The following LINGO1 variants were observed in gnomAD, a reference collection of about 807,000 sequenced individuals.
LINGO1 encodes the protein leucine rich repeat and Ig domain containing 1.
In LINGO1, 11 loss-of-function variants were observed where a neutral mutation model predicts 37.3. The ratio of observed to expected loss-of-function variants is 0.29; its 90% CI spans 0.19 to 0.49. The LOEUF is 0.49. Ranked by LOEUF, LINGO1 falls within the 20% of genes least tolerant of loss-of-function variation. The pLI is 0.99. For missense variants in LINGO1, 585 were observed against 878.2 expected (o/e 0.67, Z 4.22); for synonymous variants, 387 against 403.0 (o/e 0.96, Z 0.48).
At chr15:77,668,628 T>C (rs961121847) in intron 3 of LINGO1, among the ~76,000 whole-genome samples, 3 of 151,976 alleles carry the variant, frequency 2.0e-5, no homozygotes, top group Non-Finnish European at 2.9e-5. Context: ...CAGGAATACA[T>C]CCACATGGCA....
intron 1 of LINGO1, among the ~76,000 whole-genome samples, chr15:77,799,398 T>C (rs1200533415): frequency 1.3e-5 from 2 of 152,042 alleles, no homozygotes; most frequent in African/African-American, 4.8e-5. Context: ...TTCCCCAACT[T>C]TTCTCCCAGC....
intron 1 of LINGO1, among the ~76,000 whole-genome samples, chr15:77,767,922 C>CA (rs771913167): frequency 5.0e-4 from 76 of 152,238 alleles, no homozygotes; most frequent in Admixed American, 7.8e-4. Context: ...AAAGGAAAAC[C>CA]AAAAAGCAGC....
rs576456930 is a variant in LINGO1, at chr15:77,705,537, G to A, written c.-194-14636C>T. 3.3e-5 allele frequency among the ~76,000 whole-genome samples: 5 copies of A among 152,296 alleles called. No homozygotes were observed. In the South Asian group the frequency reaches 1.0e-3, roughly 32 times the overall value. On this transcript the variant is annotated intron_variant, in intron 2 of 3. Coordinates refer to the LINGO1 transcript ENST00000561686. ...CCCCCACCGCCCAGCTGGCAGAGGA[G>A]GGCCCCTGTGGTGGGGACAGGCAAG... is the stretch of plus-strand genomic sequence containing the variant.
rs78421896 is a variant in LINGO1, at chr15:77,747,709, G to A, written c.-256-12656C>T. Reference sequence around the variant, plus strand: ...AGGCTGCACCAATGCAGAGCCAGGCGGGCCCCCGCCTCCAGAATCTCCCCA... The same window carrying A: ...AGGCTGCACCAATGCAGAGCCAGGCAGGCCCCCGCCTCCAGAATCTCCCCA... On this transcript the variant is annotated intron_variant, in intron 1 of 3. Coordinates refer to the LINGO1 transcript ENST00000561686. 8.5e-3 allele frequency among the ~76,000 whole-genome samples: 1,294 copies of A among 152,342 alleles called. 24 individuals are homozygous for A. Among genetic ancestry groups the A allele is most frequent in the African/African-American group, 0.029 (1,217 of 41,570 alleles).
chr15:77,687,487 T>C (rs2141242779), intron 2 of LINGO1, among the ~76,000 whole-genome samples: 1 of 152,324 alleles, frequency 6.6e-6, no homozygotes, highest in Middle Eastern at 3.4e-3. Flanking sequence ...GCCTGCCTTC[T>C]ATCCTGGTTA....
chr15:77,756,261 A>C (rs905013491), intron 1 of LINGO1, among the ~76,000 whole-genome samples: 2 of 152,176 alleles, frequency 1.3e-5, no homozygotes, highest in Admixed American at 1.3e-4. Context: ...ACAATGCTTT[A>C]CAGTTATGGA....
At chr15:77,658,112 G>A (rs1272541661) in intron 3 of LINGO1, among the ~76,000 whole-genome samples, 1 of 152,182 alleles carries the variant, frequency 6.6e-6, no homozygotes, top group Non-Finnish European at 1.5e-5. Context: ...TCAGGTGACG[G>A]CGGGATGTCT....
At chr15:77,684,801 G>A (rs2075475359) in intron 2 of LINGO1, among the ~76,000 whole-genome samples, 1 of 152,150 alleles carries the variant, frequency 6.6e-6, no homozygotes, top group South Asian at 2.1e-4. Context: ...CTGTGTGCCA[G>A]GCCCAGGGGG....
At chr15:77,686,385 G>C (rs2075511541) in intron 2 of LINGO1, among the ~76,000 whole-genome samples, 2 of 152,216 alleles carry the variant, frequency 1.3e-5, no homozygotes. Context: ...GAAGCCCCCA[G>C]CTCCTACTGC....
intron 3 of LINGO1, among the ~76,000 whole-genome samples, chr15:77,664,170 T>TGTGTGTGTGCGCGCGCGCGTGCGC: frequency 7.6e-6 from 1 of 130,946 alleles, no homozygotes; most frequent in Non-Finnish European, 1.5e-5. Flanking sequence ...TGTGTGTGTG[T>TGTGTGTGTGCGCGCGCGCGTGCGC]GCGCGCGCGC....
chr15:77,621,525 C>T (rs905269604), intron 1 of LINGO1, among the ~76,000 whole-genome samples: 2 of 152,196 alleles, frequency 1.3e-5, no homozygotes, highest in South Asian at 2.1e-4. Context: ...CTGCCTGCTC[C>T]AAGAGCTGCC....
chr15:77,729,896 G>T (rs2076138766), intron 2 of LINGO1, among the ~76,000 whole-genome samples: 1 of 152,100 alleles, frequency 6.6e-6, no homozygotes. Context: ...CCCCTGCCTT[G>T]AATTGTCTAC....
At chr15:77,820,565 C>A (rs2077088790), upstream of LINGO1, among the ~76,000 whole-genome samples, 1 of 152,198 alleles carries the variant, frequency 6.6e-6, no homozygotes, top group African/African-American at 2.4e-5. Flanking sequence ...GGTGAAGACA[C>A]CTGTCATGCT....
upstream of LINGO1, among the ~76,000 whole-genome samples, chr15:77,787,565 T>C (rs772873322): frequency 1.2e-4 from 15 of 124,516 alleles, no homozygotes; most frequent in Non-Finnish European, 2.2e-4. Context: ...GCTTCAGGGC[T>C]GTGGGGGGTG....
chr15:77,647,711 A>G, intron 3 of LINGO1: 1 of 370,564 alleles, frequency 2.7e-6, no homozygotes, highest in South Asian at 2.0e-5. Context: ...AAAACGTTGC[A>G]CACCTCTGTG....
At chr15:77,746,314 A>C (rs2076314655) in intron 1 of LINGO1, among the ~76,000 whole-genome samples, 1 of 152,112 alleles carries the variant, frequency 6.6e-6, no homozygotes, top group Admixed American at 6.5e-5. Flanking sequence ...AAACAACATG[A>C]GTATAAGCAT....
chr15:77,748,814 G>C (rs904702752), intron 1 of LINGO1, among the ~76,000 whole-genome samples: 1 of 151,636 alleles, frequency 6.6e-6, no homozygotes, highest in Non-Finnish European at 1.5e-5. Context: ...CTCTTGAAGT[G>C]CTGGGATTAT....
intron 1 of LINGO1, among the ~76,000 whole-genome samples, chr15:77,816,313 C>A (rs1000983550): frequency 3.3e-5 from 5 of 152,202 alleles, no homozygotes; most frequent in African/African-American, 1.2e-4. Context: ...AGGCTCCAGG[C>A]CATGGAGAGT....
intron 3 of LINGO1, chr15:77,647,898 C>T (rs2074671461): frequency 4.4e-6 from 2 of 456,690 alleles, no homozygotes; most frequent in African/African-American, 4.0e-5. Context: ...ATTTTTCTGG[C>T]TACGTTGCAC....
Sources: allele counts gnomAD v4.1 joint callset (sites outside exome capture counted in the v4.1 genomes callset), GRCh38; gene constraint gnomAD v4.1.1; transcripts MANE v1.5; gene names NCBI Gene and HGNC (gene_info 2026-07-23, HGNC 2026-07-21).